The following ARHGAP28 variants were observed in gnomAD, a reference collection of about 807,000 sequenced individuals.
The protein encoded by ARHGAP28 is rho GTPase-activating protein 28.
A neutral mutation model predicts 90.7 loss-of-function variants in ARHGAP28; 56 were observed. That is an observed-to-expected ratio of 0.62 (90% CI 0.50 to 0.77). ARHGAP28 has a LOEUF of 0.77. Ranked by LOEUF, ARHGAP28 falls within the 30% of genes least tolerant of loss-of-function variation. The pLI, the probability that ARHGAP28 is intolerant of heterozygous loss-of-function variation, is 0.00. For synonymous variants in ARHGAP28, 308 were observed against 323.3 expected (o/e 0.95, Z 0.51); for missense variants, 869 against 900.9 (o/e 0.96, Z 0.45).
intron 3 of ARHGAP28, chr18:6,850,650 C>CA: frequency 1.6e-6 from 1 of 617,350 alleles, no homozygotes; most frequent in Non-Finnish European, 2.7e-6. Flanking sequence ...TTCCCAGACA[C>CA]TCCACCAAGT....
chr18:6,763,081 G>GTTGTTTGT (rs57953826), intron 1 of ARHGAP28, among the ~76,000 whole-genome samples: 23 of 151,570 alleles, frequency 1.5e-4, no homozygotes, highest in Non-Finnish European at 2.9e-4. Flanking sequence ...GAGAGGGATG[G>GTTGTTTGT]TTGTTTGTTT....
At chr18:6,805,807 G>T (rs879630338) in intron 1 of ARHGAP28, among the ~76,000 whole-genome samples, 2 of 151,452 alleles carry the variant, frequency 1.3e-5, no homozygotes, top group Non-Finnish European at 2.9e-5. Context: ...TAATTGAGAG[G>T]TTTACACCAT....
At chr18:6,827,951 C>T (rs1461070291) in intron 2 of ARHGAP28, among the ~76,000 whole-genome samples, 1 of 151,716 alleles carries the variant, frequency 6.6e-6, no homozygotes, top group East Asian at 2.0e-4. Flanking sequence ...GACGGGGTGG[C>T]GGCCGGGCAG....
At chr18:6,742,058 G>A (rs925142997) in intron 1 of ARHGAP28, among the ~76,000 whole-genome samples, 3 of 152,152 alleles carry the variant, frequency 2.0e-5, no homozygotes, top group Non-Finnish European at 2.9e-5. Context: ...GGAAGGGACC[G>A]AAGGATTCCA....
chr18:6,889,567 T>C (rs1195502224), intron 12 of ARHGAP28, among the ~76,000 whole-genome samples: 2 of 152,248 alleles, frequency 1.3e-5, no homozygotes, highest in African/African-American at 4.8e-5. Context: ...CAGCATTTTC[T>C]CTTCCCAGTT....
intron 1 of ARHGAP28, among the ~76,000 whole-genome samples, chr18:6,786,927 T>C (rs1474450676): frequency 1.3e-5 from 2 of 151,920 alleles, no homozygotes; most frequent in South Asian, 2.1e-4. Context: ...TCATTCACAA[T>C]TGAAGTTGGG....
At chr18:6,846,205 G>GT (rs749650758) in intron 3 of ARHGAP28, among the ~76,000 whole-genome samples, 22 of 152,070 alleles carry the variant, frequency 1.4e-4, no homozygotes, top group Non-Finnish European at 2.8e-4. Context: ...TTTAACTTTA[G>GT]TTTTTTTCCT....
chr18:6,859,885 G>A lies in ARHGAP28; in HGVS notation c.714G>A (p.Arg238=), dbSNP rs1461403853. ...QDKEGSFAVP[R]SDSVAILETI... ...AAGAAGGGAGTTTTGCGGTTCCCAGGAGTGACTCTGTGGTAAGTCATCCAT... is the reference window on the plus strand; with the variant it reads ...AAGAAGGGAGTTTTGCGGTTCCCAGAAGTGACTCTGTGGTAAGTCATCCAT... The change falls in exon 5 of 18, where the codon AGG becomes AGA. Residue 238 remains arginine, a synonymous_variant. Coordinates refer to ENST00000383472, the MANE Select transcript of ARHGAP28 (RefSeq NM_001366230.1). The A allele has an allele frequency of 6.2e-7, 1 of 1,614,044 alleles. No homozygotes were observed. The highest frequency in any genetic ancestry group is 1.3e-5 in the African/African-American group (1 of 74,932).
intron 3 of ARHGAP28, among the ~76,000 whole-genome samples, chr18:6,838,737 T>C (rs1019328238): frequency 2.0e-5 from 3 of 152,246 alleles, no homozygotes; most frequent in Middle Eastern, 3.2e-3. Context: ...TATAATGATA[T>C]AACTTATGGT....
rs547426842 is a variant in ARHGAP28, at chr18:6,816,725, A to C, written c.123-8037A>C. On this transcript the variant is annotated intron_variant, in intron 1 of 17. Coordinates refer to ENST00000383472, the MANE Select transcript of ARHGAP28 (RefSeq NM_001366230.1). Reference sequence around the variant, plus strand: ...TTTCAGCAGGAAGTTTAACTCCGTAATGTACTGATCAAAGCCAGACCAAGA... The same window carrying C: ...TTTCAGCAGGAAGTTTAACTCCGTACTGTACTGATCAAAGCCAGACCAAGA... 1.3e-4 allele frequency among the ~76,000 whole-genome samples: 20 copies of C among 152,246 alleles called. 1 individual carries two copies. The East Asian group carries it at 3.7e-3, about 28-fold the overall frequency.
intron 2 of ARHGAP28, among the ~76,000 whole-genome samples, chr18:6,830,666 G>A (rs1248239558): frequency 6.6e-6 from 1 of 152,146 alleles, no homozygotes; most frequent in African/African-American, 2.4e-5. Context: ...TTTTATGGCT[G>A]CATAGTATTC....
intron 1 of ARHGAP28, among the ~76,000 whole-genome samples, chr18:6,810,283 G>T (rs564083771): frequency 1.6e-4 from 25 of 152,226 alleles, no homozygotes; most frequent in African/African-American, 5.8e-4. Flanking sequence ...TCAGGAGAGG[G>T]CACCTAAAAT....
At chr18:6,799,364 T>C (rs1193686330) in intron 1 of ARHGAP28, among the ~76,000 whole-genome samples, 1 of 152,210 alleles carries the variant, frequency 6.6e-6, no homozygotes, top group Non-Finnish European at 1.5e-5. Context: ...ATTGACTTTC[T>C]TCACAGAATT....
chr18:6,752,950 C>CT (rs74960797), intron 1 of ARHGAP28, among the ~76,000 whole-genome samples: 131,553 of 149,464 alleles, frequency 0.88, 60,154 homozygotes, highest in East Asian at 1. Context: ...ATTGGCAATA[C>CT]TTTTTTTTTT....
At position 6,883,388 on chromosome 18, in the gene ARHGAP28, G is replaced by A. The variant is rs150347479; in HGVS notation, c.1453+1089G>A. On this transcript the variant is annotated intron_variant, in intron 11 of 17. Transcript: ENST00000383472. ...TGAGTAGCTGGGATTACAGGTGTGC[G>A]CCACCACACCTGTCTGATTTTTGTA... Among the ~76,000 whole-genome samples the A allele has an allele frequency of 4.4e-3, 664 of 152,054 alleles. 6 individuals carry two copies. The highest frequency in any genetic ancestry group is 0.014 in the African/African-American group (588 of 41,472).
At position 6,749,563 on chromosome 18, in the gene ARHGAP28, G is replaced by T. The variant is rs148139753; in HGVS notation, c.122+19620G>T. 2.0e-3 allele frequency among the ~76,000 whole-genome samples: 307 copies of T among 152,272 alleles called. 2 individuals are homozygous for T. The highest frequency in any genetic ancestry group is 7.1e-3 in the African/African-American group (295 of 41,552). On this transcript the variant is annotated intron_variant, in intron 1 of 17. Transcript: ENST00000383472. Reference sequence around the variant, plus strand: ...TCTATACCATTTTTTTAAATGGGAAGATCTCATCATGCTTTTTCACATTGT... The same window carrying T: ...TCTATACCATTTTTTTAAATGGGAATATCTCATCATGCTTTTTCACATTGT...
intron 1 of ARHGAP28, among the ~76,000 whole-genome samples, chr18:6,740,158 C>T (rs994567405): frequency 1.3e-5 from 2 of 152,082 alleles, no homozygotes; most frequent in East Asian, 1.9e-4. Flanking sequence ...CCGGCCTTAC[C>T]GTAAGAATTC....
intron 9 of ARHGAP28, 83 bp downstream of exon 9, chr18:6,873,858 C>T: frequency 8.3e-7 from 1 of 1,200,726 alleles, no homozygotes; most frequent in Non-Finnish European, 1.2e-6. Flanking sequence ...AATGAATTTT[C>T]TTTTATATTT....
intron 11 of ARHGAP28, among the ~76,000 whole-genome samples, chr18:6,884,058 A>G (rs2057200418): frequency 6.6e-6 from 1 of 152,096 alleles, no homozygotes; most frequent in Non-Finnish European, 1.5e-5. Flanking sequence ...ATCATTGAGC[A>G]CAGGTACAAT....
Sources: gnomAD v4.1 joint callset for allele counts (sites outside exome capture counted in the v4.1 genomes callset) on GRCh38, gnomAD v4.1.1 for gene constraint, MANE v1.5 for transcripts, NCBI Gene and HGNC (gene_info 2026-07-23, HGNC 2026-07-21) for gene names.